Variants in DPH6 observed in about 807,000 individuals in gnomAD.
DPH6 encodes the protein diphthamine biosynthesis 6.
DPH6 carries 33 observed loss-of-function variants against 38.2 expected under a neutral mutation model. The ratio of observed to expected loss-of-function variants is 0.86; its 90% CI spans 0.65 to 1.15. The LOEUF (loss-of-function observed/expected upper bound fraction) is 1.15, where lower values mean the gene tolerates loss of function less well. DPH6 is among the 50% of genes most tolerant of loss of function. The pLI is 0.00. For missense variants in DPH6, 325 were observed against 320.0 expected (o/e 1.02, Z -0.12); for synonymous variants, 108 against 103.0 (o/e 1.05, Z -0.30).
At chr15:35,175,679 A>C in the DPH6 span, among the ~76,000 whole-genome samples, 107 of 138,908 alleles carry the variant, frequency 7.7e-4, 2 homozygotes, top group African/African-American at 2.8e-3. Context: ...TTCATTAGGT[A>C]AGCTGGGGCT....
At chr15:35,151,073 G>C in the DPH6 span, among the ~76,000 whole-genome samples, 1 of 152,172 alleles carries the variant, frequency 6.6e-6, no homozygotes, top group Non-Finnish European at 1.5e-5. Flanking sequence ...TAATGAGACA[G>C]GAAGAAGTAA....
intron 3 of DPH6, among the ~76,000 whole-genome samples, chr15:35,236,724 C>G (rs1405437291): frequency 6.6e-6 from 1 of 151,820 alleles, no homozygotes; most frequent in Non-Finnish European, 1.5e-5. Flanking sequence ...TAATGGTAAT[C>G]TGACCATGAT....
At chr15:35,170,135 T>C in the DPH6 span, among the ~76,000 whole-genome samples, 1 of 152,190 alleles carries the variant, frequency 6.6e-6, no homozygotes. Context: ...TCAGTGTCAT[T>C]TACATGAAGT....
intron 3 of DPH6, among the ~76,000 whole-genome samples, chr15:35,251,925 G>T (rs1422554910): frequency 1.3e-5 from 2 of 152,200 alleles, no homozygotes; most frequent in Non-Finnish European, 2.9e-5. Context: ...TATCACCTGA[G>T]GTCAGGGGTT....
the DPH6 span, among the ~76,000 whole-genome samples, chr15:35,203,794 G>C: frequency 6.6e-6 from 1 of 151,536 alleles, no homozygotes; most frequent in African/African-American, 2.4e-5. Context: ...TTAATCTGTA[G>C]GAAAGCACTG....
intron 5 of DPH6, among the ~76,000 whole-genome samples, chr15:35,449,958 G>C (rs2053910734): frequency 6.6e-6 from 1 of 152,102 alleles, no homozygotes; most frequent in Non-Finnish European, 1.5e-5. Flanking sequence ...ACATGATTTA[G>C]GCTTTGGGAA....
chr15:35,196,341 A>AT, the DPH6 span, among the ~76,000 whole-genome samples: 1 of 152,152 alleles, frequency 6.6e-6, no homozygotes, highest in Non-Finnish European at 1.5e-5. Context: ...AATAATAATC[A>AT]TTTATTTAAG....
intron 3 of DPH6, among the ~76,000 whole-genome samples, chr15:35,455,336 A>T (rs2053982960): frequency 6.6e-6 from 1 of 152,178 alleles, no homozygotes; most frequent in Non-Finnish European, 1.5e-5. Context: ...ATAGCACTGT[A>T]GATAAAGAAT....
chr15:35,298,981 C>T lies in DPH6; in HGVS notation n.200+74540G>A, dbSNP rs2052034735. On this transcript the variant is annotated intron_variant and non_coding_transcript_variant, in intron 3 of 3. Transcript: ENST00000560386. The stretch of plus-strand genomic sequence containing the variant: ...TTCTCTCGCTCCTAATCTTCATCTT[C>T]ATCAGAATCCGGATCTGAACTCCTT... 7 of 759,878 alleles carry T rather than the reference C, an allele frequency of 9.2e-6. No homozygotes were observed. In the South Asian group the frequency reaches 1.0e-4, roughly 11 times the overall value. 47.1% of individuals were successfully genotyped at this position (759,878 alleles called of 1,614,324 possible). A position where few individuals can be genotyped will look rare whatever the true frequency, so the allele number is the denominator to read the frequency against.
At position 35,386,047 on chromosome 15, in the gene DPH6, C is replaced by A. The variant is rs149725034; in HGVS notation, c.568-4131G>T. ...GTGTGTGAGGTTCCCCTTCCTGTGT[C>A]CATGTGTTCTCTTTGTTCAATTCCC... On this transcript the variant is annotated intron_variant, in intron 6 of 8. Coordinates refer to ENST00000256538, the MANE Select transcript of DPH6 (RefSeq NM_080650.4). 4.6e-4 allele frequency among the ~76,000 whole-genome samples: 70 copies of A among 152,160 alleles called. 1 individual carries two copies. The East Asian group carries it at 0.013, about 28-fold the overall frequency.
chr15:35,524,424 C>G (rs1398213237), intron 3 of DPH6, among the ~76,000 whole-genome samples: 7 of 152,060 alleles, frequency 4.6e-5, no homozygotes, highest in Non-Finnish European at 1.0e-4. Flanking sequence ...AACCCTAACC[C>G]CTTATCAAAC....
At chr15:35,520,195 C>G (rs1417788633) in intron 3 of DPH6, 1 of 567,626 alleles carries the variant, frequency 1.8e-6, no homozygotes, top group East Asian at 1.6e-4. Context: ...AGATCAATCA[C>G]TCTCACGTGA....
At chr15:35,457,934 T>C (rs148918101) in intron 3 of DPH6, among the ~76,000 whole-genome samples, 21 of 152,250 alleles carry the variant, frequency 1.4e-4, no homozygotes, top group African/African-American at 5.1e-4. Context: ...CAGTGGGGGA[T>C]TGTTTCCAGA....
intron 5 of DPH6, among the ~76,000 whole-genome samples, chr15:35,413,538 T>C (rs1391198968): frequency 6.6e-6 from 1 of 151,774 alleles, no homozygotes; most frequent in Non-Finnish European, 1.5e-5. Context: ...GTAGTGACTA[T>C]TTCATCTCCA....
At chr15:35,540,135 A>G (rs2055230976) in intron 2 of DPH6, among the ~76,000 whole-genome samples, 1 of 152,082 alleles carries the variant, frequency 6.6e-6, no homozygotes, top group Non-Finnish European at 1.5e-5. Flanking sequence ...TGGCTTCAAA[A>G]ACCTAGAAGA....
chr15:35,167,120 T>C, the DPH6 span, among the ~76,000 whole-genome samples: 1 of 152,016 alleles, frequency 6.6e-6, no homozygotes, highest in Non-Finnish European at 1.5e-5. Context: ...TGGCTTTAAA[T>C]TATGCTTTAA....
the DPH6 span, among the ~76,000 whole-genome samples, chr15:35,146,705 TACA>T: frequency 2.0e-5 from 3 of 152,226 alleles, no homozygotes; most frequent in Admixed American, 6.5e-5. Flanking sequence ...TGAAAAATTT[TACA>T]ACATTTATTA....
chr15:35,372,071 G>T lies in DPH6; in HGVS notation c.*79C>A, dbSNP rs1002328180. On this transcript the variant is annotated 3_prime_UTR_variant, in exon 9 of 9. Coordinates refer to ENST00000256538, the MANE Select transcript of DPH6 (RefSeq NM_080650.4). ...AGAGTCATGAGAAAAAAATAAACTA[G>T]TCATAGTAACTGAGAAAATACTATG... 5.5e-6 allele frequency: 8 copies of T among 1,464,346 alleles called. No individual in the cohort carries two copies. The highest frequency in any genetic ancestry group is 7.2e-6 in the Non-Finnish European group (8 of 1,112,410). The allele number at this position is 1,464,346 out of a possible 1,614,324, so 90.7% of individuals were successfully genotyped here.
chr15:35,521,452 G>A (rs2141237479), intron 3 of DPH6: 2 of 1,177,236 alleles, frequency 1.7e-6, no homozygotes, highest in Non-Finnish European at 2.1e-6. Flanking sequence ...AACATAGGCT[G>A]ATTGCTTTTC....
Sources: allele counts gnomAD v4.1 joint callset (sites outside exome capture counted in the v4.1 genomes callset), GRCh38; gene constraint gnomAD v4.1.1; transcripts MANE v1.5; gene names NCBI Gene and HGNC (gene_info 2026-07-23, HGNC 2026-07-21).